KDM4C: variants seen among roughly 807,000 people sequenced by gnomAD.
KDM4C encodes lysine demethylase 4C.
Under a neutral mutation model 129.3 loss-of-function variants are expected in KDM4C, and 81 were observed. The ratio of observed to expected loss-of-function variants is 0.63; its 90% confidence interval spans 0.52 to 0.75. The LOEUF (loss-of-function observed/expected upper bound fraction) is 0.75, where lower values mean the gene tolerates loss of function less well. Ranked by LOEUF, KDM4C falls within the 30% of genes least tolerant of loss-of-function variation. KDM4C has a pLI of 0.00. For missense variants in KDM4C, 1,457 were observed against 1,304.0 expected (o/e 1.12, Z -1.81); for synonymous variants, 573 against 456.1 (o/e 1.26, Z -3.26).
At chr9:7,039,176 C>G (rs1278458919) in intron 15 of KDM4C, among the ~76,000 whole-genome samples, 1 of 151,838 alleles carries the variant, frequency 6.6e-6, no homozygotes, top group Non-Finnish European at 1.5e-5. Context: ...GTCTGTAAAT[C>G]AATTGGAGTA....
intron 15 of KDM4C, among the ~76,000 whole-genome samples, chr9:7,038,409 GA>G (rs753661160): frequency 2.0e-5 from 3 of 151,990 alleles, no homozygotes; most frequent in African/African-American, 7.2e-5. Flanking sequence ...GGACCCAAAT[GA>G]TATCACAATT....
intron 14 of KDM4C, among the ~76,000 whole-genome samples, chr9:7,014,695 T>A (rs1482657587): frequency 2.0e-5 from 3 of 152,156 alleles, no homozygotes; most frequent in Non-Finnish European, 4.4e-5. Flanking sequence ...CACTTAGGTA[T>A]GGCCTGTACT....
intron 4 of KDM4C, among the ~76,000 whole-genome samples, chr9:6,840,378 T>C (rs976580586): frequency 6.6e-6 from 1 of 151,360 alleles, no homozygotes; most frequent in Non-Finnish European, 1.5e-5. Flanking sequence ...TGGCCTTTGT[T>C]CTAATTTTCT....
chr9:6,802,847 T>C (rs1347655747), intron 2 of KDM4C, among the ~76,000 whole-genome samples: 3 of 152,230 alleles, frequency 2.0e-5, no homozygotes, highest in Non-Finnish European at 2.9e-5. Flanking sequence ...CCTCAGGTGG[T>C]CTGTCCACCT....
intron 17 of KDM4C, among the ~76,000 whole-genome samples, chr9:7,058,880 A>G (rs1831237281): frequency 6.6e-6 from 1 of 152,106 alleles, no homozygotes. Context: ...TTCTATAATG[A>G]ATGCCAAGCA....
chr9:6,776,095 A>G (rs1171720325), intron 1 of KDM4C, among the ~76,000 whole-genome samples: 2 of 152,026 alleles, frequency 1.3e-5, no homozygotes, highest in Non-Finnish European at 2.9e-5. Context: ...TCTCTTTTTT[A>G]TTTTTAGAGA....
intron 8 of KDM4C, among the ~76,000 whole-genome samples, chr9:6,952,476 T>C (rs1828341893): frequency 6.6e-6 from 1 of 151,570 alleles, no homozygotes. Flanking sequence ...AGTCTCACTT[T>C]GTTGCCCAGG....
chr9:6,779,032 CTT>C (rs60503128), intron 1 of KDM4C, among the ~76,000 whole-genome samples: 18 of 94,576 alleles, frequency 1.9e-4, no homozygotes, highest in Admixed American at 3.6e-4. Context: ...TGATTAAAGT[CTT>C]TTTTTTTTTT....
chr9:6,892,102 T>C (rs1846187140), intron 7 of KDM4C, among the ~76,000 whole-genome samples: 1 of 152,184 alleles, frequency 6.6e-6, no homozygotes, highest in African/African-American at 2.4e-5. Context: ...TGGCAATATG[T>C]GTCAAGGAGA....
At chr9:6,955,352 A>G (rs577141236) in intron 8 of KDM4C, among the ~76,000 whole-genome samples, 5 of 152,224 alleles carry the variant, frequency 3.3e-5, no homozygotes, top group Admixed American at 1.3e-4. Context: ...TTACCTTTGA[A>G]TAGAGACAAA....
intron 5 of KDM4C, among the ~76,000 whole-genome samples, chr9:6,861,004 G>A (rs1840825435): frequency 6.6e-6 from 1 of 152,166 alleles, no homozygotes; most frequent in Non-Finnish European, 1.5e-5. Context: ...GTTTGCTTAA[G>A]TTATTGTAAA....
chr9:7,022,325 T>C (rs1825012059), intron 15 of KDM4C, among the ~76,000 whole-genome samples: 1 of 152,170 alleles, frequency 6.6e-6, no homozygotes, highest in Admixed American at 6.5e-5. Context: ...CTCTTCAATT[T>C]TTTGCATCAG....
chr9:6,995,585 T>C (rs1468378294), intron 12 of KDM4C, among the ~76,000 whole-genome samples: 1 of 152,202 alleles, frequency 6.6e-6, no homozygotes, highest in Non-Finnish European at 1.5e-5. Context: ...TAAAATACAG[T>C]TCAGCTAGGT....
Position 6,992,635 on chromosome 9 carries a change from A to G in KDM4C, c.1786+2111A>G, listed in dbSNP as rs111957520. The stretch of plus-strand genomic sequence containing the variant: ...ACCTTAGCCATTTGCCTCTGTGTCT[A>G]TGTTGCTTGCAAAGTTGAAAGTGAA... On this transcript the variant is annotated intron_variant, in intron 12 of 21. Transcript: ENST00000381309. Among the ~76,000 whole-genome samples, 1,128 of 152,250 alleles carry G rather than the reference A, an allele frequency of 7.4e-3. 11 individuals carry two copies. Among genetic ancestry groups the G allele is most frequent in the African/African-American group, 0.02 (829 of 41,534 alleles).
chr9:6,923,396 C>A (rs1014140488), intron 8 of KDM4C, among the ~76,000 whole-genome samples: 1 of 152,050 alleles, frequency 6.6e-6, no homozygotes, highest in Non-Finnish European at 1.5e-5. Flanking sequence ...TTTATACTGA[C>A]TTTTTTTCTG....
intron 4 of KDM4C, among the ~76,000 whole-genome samples, chr9:6,846,988 A>G (rs1022486488): frequency 1.8e-4 from 28 of 152,132 alleles, no homozygotes; most frequent in Non-Finnish European, 1.2e-4. Context: ...CTGGGGTTAT[A>G]ATCTAGGTCT....
chr9:7,067,383 C>T (rs574883871), intron 17 of KDM4C, among the ~76,000 whole-genome samples: 25 of 152,338 alleles, frequency 1.6e-4, no homozygotes, highest in South Asian at 4.1e-4. Flanking sequence ...TGGCGGGTGG[C>T]AGCCCACCTG....
At chr9:6,826,208 T>C (rs1018745031) in intron 4 of KDM4C, among the ~76,000 whole-genome samples, 4 of 150,372 alleles carry the variant, frequency 2.7e-5, no homozygotes, top group African/African-American at 9.8e-5. Context: ...TCGTACTAGG[T>C]GGATGGGTGG....
chr9:6,948,792 G>A (rs1198400073), intron 8 of KDM4C, among the ~76,000 whole-genome samples: 1 of 152,034 alleles, frequency 6.6e-6, no homozygotes, highest in East Asian at 1.9e-4. Flanking sequence ...AGAGAGCACC[G>A]GGTTGGGGGT....
Sources: gnomAD v4.1 joint callset for allele counts (sites outside exome capture counted in the v4.1 genomes callset) on GRCh38, gnomAD v4.1.1 for gene constraint, MANE v1.5 for transcripts, NCBI Gene and HGNC (gene_info 2026-07-23, HGNC 2026-07-21) for gene names.